The following MAML2 variants were observed in gnomAD, a reference collection of about 807,000 sequenced individuals.
The protein encoded by MAML2 is mastermind like transcriptional coactivator 2, also known as mastermind-like protein 2.
MAML2 carries 22 observed loss-of-function variants against 96.1 expected under a neutral mutation model. The ratio of observed to expected loss-of-function variants is 0.23; its 90% CI spans 0.16 to 0.33. The LOEUF is 0.33. MAML2 is among the 10% of genes least tolerant of loss of function. MAML2 has a pLI of 1.00. For missense variants in MAML2, 1,367 were observed against 1,392.4 expected (o/e 0.98, Z 0.29); for synonymous variants, 561 against 521.3 (o/e 1.08, Z -1.04).
intron 1 of MAML2, among the ~76,000 whole-genome samples, chr11:96,100,475 A>G (rs1591013436): frequency 6.6e-6 from 1 of 151,302 alleles, no homozygotes. Flanking sequence ...ACATCTGGCT[A>G]ATTTTTGTAT....
Position 96,092,674 on chromosome 11 carries a change from G to C in MAML2, c.1357C>G (p.Gln453Glu). The change falls in exon 2 of 5, where the codon CAG becomes GAG. Residue 453 changes from glutamine (Q) to glutamate (E), a missense_variant. Coordinates refer to ENST00000524717, the MANE Select transcript of MAML2 (RefSeq NM_032427.4). This position sits in a 1 kb window ranked among gnomAD's most constrained non-coding sequence, Gnocchi z 4.1. ...CAGTTGGTAGGCTGGTGCTGCTGCT[G>C]GTGCTGCTGCATCCGGGCATGCTGC... is the stretch of plus-strand genomic sequence containing the variant. ...RQQHARMQQHQQQHQPTNWSA... is the reference protein window; with the variant it reads ...RQQHARMQQHEQQHQPTNWSA... 6 of 1,614,000 alleles carry C rather than the reference G, an allele frequency of 3.7e-6. No individual in the cohort carries two copies. Among genetic ancestry groups the C allele is most frequent in the Non-Finnish European group, 5.1e-6 (6 of 1,179,896 alleles).
At chr11:96,033,135 C>T (rs182323168) in intron 2 of MAML2, among the ~76,000 whole-genome samples, 1 of 152,282 alleles carries the variant, frequency 6.6e-6, no homozygotes, top group African/African-American at 2.4e-5. Context: ...GCACTTTTTA[C>T]AAAATGGCAT....
At chr11:96,282,373 G>A (rs932217449) in intron 1 of MAML2, among the ~76,000 whole-genome samples, 39 of 152,116 alleles carry the variant, frequency 2.6e-4, no homozygotes, top group Admixed American at 2.5e-3. Flanking sequence ...CAAGCAATTT[G>A]AGTGGATTTA....
intron 3 of MAML2, among the ~76,000 whole-genome samples, chr11:95,988,097 T>G (rs2135706357): frequency 6.6e-6 from 1 of 151,346 alleles, no homozygotes; most frequent in South Asian, 2.1e-4. Flanking sequence ...TTTCTACCGT[T>G]TATACTGAAG....
intron 1 of MAML2, among the ~76,000 whole-genome samples, chr11:96,315,883 T>G (rs2136007424): frequency 6.6e-6 from 1 of 152,296 alleles, no homozygotes; most frequent in South Asian, 2.1e-4. Context: ...ACAACTAATT[T>G]TTTCCCAATG....
intron 1 of MAML2, among the ~76,000 whole-genome samples, chr11:96,255,451 C>CTT (rs1862650522): frequency 6.6e-6 from 1 of 152,218 alleles, no homozygotes; most frequent in Non-Finnish European, 1.5e-5. Flanking sequence ...ATGTCAAACA[C>CTT]TGTTGAGGAA....
intron 2 of MAML2, among the ~76,000 whole-genome samples, chr11:95,997,872 T>A (rs1858017037): frequency 6.6e-6 from 1 of 152,270 alleles, no homozygotes; most frequent in East Asian, 1.9e-4. Context: ...CTCTGCTCTT[T>A]TACTCTGAGA....
intron 1 of MAML2, among the ~76,000 whole-genome samples, chr11:96,203,387 C>G (rs1861852754): frequency 6.6e-6 from 1 of 152,220 alleles, no homozygotes; most frequent in African/African-American, 2.4e-5. Context: ...TTAAGAATTG[C>G]TGGCTCTGGA....
chr11:96,243,072 CCT>C (rs1166123944), intron 1 of MAML2, among the ~76,000 whole-genome samples: 25 of 151,658 alleles, frequency 1.6e-4, no homozygotes, highest in Non-Finnish European at 4.4e-5. Flanking sequence ...ACACACACCC[CCT>C]CTTTGTTAAA....
At chr11:96,256,511 A>G (rs1862670733) in intron 1 of MAML2, among the ~76,000 whole-genome samples, 1 of 152,190 alleles carries the variant, frequency 6.6e-6, no homozygotes, top group Non-Finnish European at 1.5e-5. Flanking sequence ...TAGCCATGTC[A>G]GTATTAAATG....
chr11:96,044,178 G>C (rs1039683680), intron 2 of MAML2, among the ~76,000 whole-genome samples: 2 of 152,212 alleles, frequency 1.3e-5, no homozygotes, highest in African/African-American at 4.8e-5. Flanking sequence ...GAAAATTCTT[G>C]GGTCTCAGAA....
At chr11:96,019,183 C>T (rs1858399760) in intron 2 of MAML2, among the ~76,000 whole-genome samples, 1 of 151,886 alleles carries the variant, frequency 6.6e-6, no homozygotes, top group African/African-American at 2.4e-5. Context: ...TAAAAAATGG[C>T]AAATGCCTTA....
At chr11:96,285,388 G>T (rs1438310051) in intron 1 of MAML2, among the ~76,000 whole-genome samples, 1 of 152,082 alleles carries the variant, frequency 6.6e-6, no homozygotes, top group Non-Finnish European at 1.5e-5. Flanking sequence ...GAAAATCTAG[G>T]CAATACCATT....
chr11:96,178,342 C>A (rs1159837233), intron 1 of MAML2, among the ~76,000 whole-genome samples: 1 of 152,056 alleles, frequency 6.6e-6, no homozygotes, highest in African/African-American at 2.4e-5. Context: ...AGAGAGCAGG[C>A]GCACAGCATC....
At chr11:96,311,211 A>G (rs1257725779) in intron 1 of MAML2, among the ~76,000 whole-genome samples, 1 of 152,240 alleles carries the variant, frequency 6.6e-6, no homozygotes, top group Non-Finnish European at 1.5e-5. Flanking sequence ...TACATTGGCT[A>G]GGAGTTTGAG....
At chr11:96,114,280 G>A (rs1292892985) in intron 1 of MAML2, among the ~76,000 whole-genome samples, 1 of 152,088 alleles carries the variant, frequency 6.6e-6, no homozygotes, top group Non-Finnish European at 1.5e-5. Context: ...ACTTTGCTAT[G>A]GGCAAAAATA....
chr11:96,037,452 T>C (rs1590974571), intron 2 of MAML2, among the ~76,000 whole-genome samples: 1 of 152,196 alleles, frequency 6.6e-6, no homozygotes, highest in African/African-American at 2.4e-5. Context: ...TCAACTTTAT[T>C]TGACAGCTGT....
At chr11:96,002,687 G>GATGA (rs1858102715) in intron 2 of MAML2, among the ~76,000 whole-genome samples, 1 of 140,656 alleles carries the variant, frequency 7.1e-6, no homozygotes, top group Admixed American at 7.0e-5. Flanking sequence ...GATGGGGATG[G>GATGA]TGGGGAGCAT....
At chr11:96,219,601 C>G (rs1232395959) in intron 1 of MAML2, among the ~76,000 whole-genome samples, 1 of 152,100 alleles carries the variant, frequency 6.6e-6, no homozygotes, top group Admixed American at 6.5e-5. Flanking sequence ...TAACCCTGAA[C>G]AAACATCTTT....
Sources: allele counts gnomAD v4.1 joint callset (sites outside exome capture counted in the v4.1 genomes callset), GRCh38; gene constraint gnomAD v4.1.1; non-coding constraint Gnocchi (gnomAD v3.1); transcripts MANE v1.5; gene names NCBI Gene and HGNC (gene_info 2026-07-23, HGNC 2026-07-21).